Variants in PI4KA observed in about 807,000 individuals in gnomAD.
The protein encoded by PI4KA is PI4-kinase alpha.
Under a neutral mutation model 271.4 loss-of-function variants are expected in PI4KA, and 122 were observed. The ratio of observed to expected loss-of-function variants is 0.45; its 90% CI spans 0.39 to 0.52. The LOEUF (loss-of-function observed/expected upper bound fraction) is 0.52. Ranked by LOEUF, PI4KA falls within the 20% of genes least tolerant of loss-of-function variation. The probability of loss-of-function intolerance (pLI) is 0.00; values close to 1 mark genes in which losing one functional copy is unlikely to be tolerated. For missense variants in PI4KA, 1,969 were observed against 2,769.1 expected, an observed-to-expected ratio of 0.71 and a Z score of 6.48; for synonymous variants, 1,041 against 1,078.8, an observed-to-expected ratio of 0.96 and a Z score of 0.69.
intron 39 of PI4KA, 85 bp from the exon 40 acceptor site, chr22:20,727,949 G>A: frequency 2.1e-6 from 2 of 942,764 alleles, no homozygotes; most frequent in East Asian, 4.9e-5. Context: ...GGAGCCAGGG[G>A]GAAACACTGA....
intron 32 of PI4KA, 140 bp downstream of exon 32, chr22:20,742,088 A>C (rs1929525572): frequency 1.3e-6 from 1 of 799,896 alleles, no homozygotes; most frequent in East Asian, 2.5e-5. Context: ...ATAATAATAG[A>C]ATCTGTAAGG....
At chr22:20,807,879 T>C (rs1476156079) in intron 9 of PI4KA, among the ~76,000 whole-genome samples, 1 of 152,142 alleles carries the variant, frequency 6.6e-6, no homozygotes, top group Non-Finnish European at 1.5e-5. Context: ...AGATACAACT[T>C]ATGTTTTGTA....
Position 20,820,584 on chromosome 22 carries a change from G to A in PI4KA, c.484C>T (p.His162Tyr), listed in dbSNP as rs149603110. The part of the protein sequence containing the change: ...EILEVLLQVL[H>Y]VLLGMCQALE... Reference sequence around the variant, plus strand: ...GCCTGGCACATCCCCAAGAGGACATGCAAAACCTGCAAAAGCACCTCTAAA... The same window carrying A: ...GCCTGGCACATCCCCAAGAGGACATACAAAACCTGCAAAAGCACCTCTAAA... The change falls in exon 5 of 55, where the codon CAT becomes TAT. Residue 162 changes from histidine to tyrosine, a missense_variant. Physicochemically the swap from His to Tyr is moderately conservative, Grantham distance 83. This residue lies in a region of PI4KA where 540 missense variants were observed against 555.5 expected (regional missense o/e 0.97). Coordinates refer to ENST00000255882, the MANE Select transcript of PI4KA (RefSeq NM_058004.4). 1.2e-6 allele frequency: 2 copies of A among 1,610,542 alleles called. No individual in the cohort carries two copies. The highest frequency in any genetic ancestry group is 3.4e-5 in the Admixed American group (2 of 59,682).
intron 54 of PI4KA, 65 bp from the exon 55 acceptor site, chr22:20,708,163 C>G: frequency 7.6e-7 from 1 of 1,308,232 alleles, no homozygotes; most frequent in Non-Finnish European, 1.1e-6. Context: ...TCCCTCCCCA[C>G]AGGGAGCCCT....
intron 14 of PI4KA, among the ~76,000 whole-genome samples, chr22:20,800,155 C>T (rs1247659000): frequency 2.0e-5 from 3 of 152,112 alleles, no homozygotes; most frequent in Non-Finnish European, 2.9e-5. Context: ...GAAACATTTA[C>T]GTTACAGAGA....
At chr22:20,710,202 G>T (rs1398711468) in intron 52 of PI4KA, 8 of 632,168 alleles carry the variant, frequency 1.3e-5, no homozygotes, top group Non-Finnish European at 2.1e-5. Context: ...CTGCCCACAC[G>T]CACTCTGGAC....
intron 37 of PI4KA, 36 bp downstream of exon 37, chr22:20,729,856 G>C: frequency 6.2e-7 from 1 of 1,613,174 alleles, no homozygotes; most frequent in East Asian, 2.2e-5. Flanking sequence ...ATGATAGCTT[G>C]CATGTGATGG....
intron 36 of PI4KA, among the ~76,000 whole-genome samples, chr22:20,730,940 G>T (rs1927963759): frequency 6.6e-6 from 1 of 152,062 alleles, no homozygotes; most frequent in Non-Finnish European, 1.5e-5. Context: ...ACTTTGGGAG[G>T]CTGAGGCAGG....
In PI4KA at chr22:20,817,628, G is replaced by A. The variant is rs940462568; in HGVS notation, c.856+855C>T. On this transcript the variant is annotated intron_variant, in intron 7 of 54. Coordinates refer to ENST00000255882, the MANE Select transcript of PI4KA (RefSeq NM_058004.4). ...GGGTGCCTATAGTCCTAGCTACTTG[G>A]GAGGCTGAGGTGGGAGGATCACTTG... Among the ~76,000 whole-genome samples, 5 of 149,900 alleles carry A rather than the reference G, an allele frequency of 3.3e-5. No homozygotes were observed. The East Asian group carries it at 7.9e-4, about 24-fold the overall frequency.
chr22:20,789,549 C>G (rs191253765), intron 19 of PI4KA, among the ~76,000 whole-genome samples: 1 of 152,160 alleles, frequency 6.6e-6, no homozygotes, highest in Non-Finnish European at 1.5e-5. Context: ...AGGCTGGTCT[C>G]GAACTCCTGA....
intron 1 of PI4KA, among the ~76,000 whole-genome samples, chr22:20,850,292 T>C (rs1926796188): frequency 1.3e-5 from 2 of 151,868 alleles, no homozygotes; most frequent in African/African-American, 4.8e-5. Flanking sequence ...CACCAGCACT[T>C]TGGGAGGCCA....
At chr22:20,729,107 G>A (rs896925892) in intron 39 of PI4KA, among the ~76,000 whole-genome samples, 4 of 152,224 alleles carry the variant, frequency 2.6e-5, no homozygotes, top group Non-Finnish European at 5.9e-5. Flanking sequence ...CCCCAGGCAG[G>A]CATCTGAAAA....
chr22:20,819,890 G>A lies in PI4KA; in HGVS notation c.540C>T (p.Cys180=), dbSNP rs1453541164. 3 of 1,613,434 alleles carry A rather than the reference G, an allele frequency of 1.9e-6. No homozygotes were observed. The change falls in exon 6 of 55, where the codon TGC becomes TGT. Residue 180 remains cysteine, a synonymous_variant. Transcript: ENST00000255882. ...ALEIQDKEYL[C]KYAIPCLIGI... The stretch of plus-strand genomic sequence containing the variant: ...CTATCAGGCATGGGATAGCATACTT[G>A]CAAAGGTATTCTAGAAGATCAAGTG...
chr22:20,738,592 A>G (rs1929009519), intron 32 of PI4KA, among the ~76,000 whole-genome samples: 1 of 152,088 alleles, frequency 6.6e-6, no homozygotes, highest in African/African-American at 2.4e-5. Context: ...AGGCAGAGAC[A>G]GGGAGTGAGG....
rs361974 is a variant in PI4KA, at chr22:20,770,534, A to G, written c.2329-4841T>C. ...GTCTCAAAAAAAAAAAAAAAAAAAG[A>G]GAGAGAGAGAGATCGGTTTTGCTAT... On this transcript the variant is annotated intron_variant, in intron 19 of 54. Coordinates refer to ENST00000255882, the MANE Select transcript of PI4KA (RefSeq NM_058004.4). 8.8e-3 allele frequency among the ~76,000 whole-genome samples: 679 copies of G among 76,742 alleles called. 118 individuals carry two copies. The highest frequency in any genetic ancestry group is 0.067 in the East Asian group (141 of 2,108). 50.3% of individuals were successfully genotyped at this position (76,742 alleles called of 152,430 possible).
chr22:20,750,668 C>T (rs938924400), intron 27 of PI4KA, among the ~76,000 whole-genome samples: 1 of 152,224 alleles, frequency 6.6e-6, no homozygotes, highest in Non-Finnish European at 1.5e-5. Context: ...AAATCCTCTT[C>T]GGTGCCACAC....
intron 4 of PI4KA, among the ~76,000 whole-genome samples, chr22:20,823,641 T>C (rs1354225260): frequency 1.3e-5 from 2 of 152,164 alleles, no homozygotes; most frequent in Non-Finnish European, 2.9e-5. Flanking sequence ...TTCAGCTACC[T>C]AGAAGATTCT....
chr22:20,744,855 G>A, intron 29 of PI4KA, 135 bp from the exon 30 acceptor site: 1 of 569,790 alleles, frequency 1.8e-6, no homozygotes, highest in Non-Finnish European at 3.0e-6. Flanking sequence ...CTTCACTGCT[G>A]GCAAGTTAAT....
chr22:20,731,725 C>G (rs567589765), intron 36 of PI4KA, among the ~76,000 whole-genome samples: 1 of 152,246 alleles, frequency 6.6e-6, no homozygotes, highest in East Asian at 1.9e-4. Context: ...GTCAGGAAAT[C>G]GAGACCATCC....
Sources: allele counts gnomAD v4.1 joint callset (sites outside exome capture counted in the v4.1 genomes callset), GRCh38; gene constraint gnomAD v4.1.1; regional missense constraint gnomAD v4.1.1; transcripts MANE v1.5; gene names NCBI Gene and HGNC (gene_info 2026-07-23, HGNC 2026-07-21).